The following GLUD1 variants were observed in gnomAD, a reference collection of about 807,000 sequenced individuals.
GLUD1 encodes glutamate dehydrogenase 1, also known as glutamate dehydrogenase 1, mitochondrial.
Under a neutral mutation model 56.0 loss-of-function variants are expected in GLUD1, and 22 were observed. The ratio of observed to expected loss-of-function variants is 0.39; its 90% confidence interval spans 0.28 to 0.56. The LOEUF (loss-of-function observed/expected upper bound fraction) is 0.56. Ranked by LOEUF, GLUD1 falls within the 20% of genes least tolerant of loss-of-function variation. The pLI is 0.58. For missense variants in GLUD1, 451 were observed against 732.0 expected (o/e 0.62, Z 4.43); for synonymous variants, 223 against 269.9 (o/e 0.83, Z 1.70).
chr10:87,087,249 G>T (rs1841405236), intron 1 of GLUD1, among the ~76,000 whole-genome samples: 1 of 152,180 alleles, frequency 6.6e-6, no homozygotes, highest in African/African-American at 2.4e-5. Context: ...CACTGCAGGA[G>T]CTTCTGTTCC....
intron 6 of GLUD1, 140 bp downstream of exon 6, chr10:87,062,516 T>C (rs1440789412): frequency 2.8e-6 from 2 of 724,632 alleles, no homozygotes; most frequent in African/African-American, 1.8e-5. Flanking sequence ...AAACAAAATA[T>C]CTATTACTCT....
At chr10:87,060,272 C>G in intron 8 of GLUD1, 31 bp from the exon 9 acceptor site, 2 of 1,395,164 alleles carry the variant, frequency 1.4e-6, no homozygotes, top group Non-Finnish European at 1.0e-6. Context: ...TAGAGAAATG[C>G]GAACACCACC....
At chr10:87,082,410 T>G in intron 1 of GLUD1, among the ~76,000 whole-genome samples, 1 of 152,196 alleles carries the variant, frequency 6.6e-6, no homozygotes, top group African/African-American at 2.4e-5. Flanking sequence ...CTACACCCAT[T>G]TAGAGAGCTC....
chr10:87,065,533 T>C (rs12257719), intron 5 of GLUD1, among the ~76,000 whole-genome samples: 1,667 of 152,260 alleles, frequency 0.011, 31 homozygotes, highest in African/African-American at 0.038. Flanking sequence ...CCCCTTGAAC[T>C]ATACTGGTGA....
intron 12 of GLUD1, among the ~76,000 whole-genome samples, chr10:87,052,223 A>T (rs1188949702): frequency 4.6e-5 from 7 of 152,178 alleles, no homozygotes; most frequent in Non-Finnish European, 8.8e-5. Flanking sequence ...GCGGTTGCTC[A>T]CACCTGTAAT....
In GLUD1 at chr10:87,070,990, G is replaced by A. The variant is rs1179433528; in HGVS notation, c.647-2833C>T. ...TAAAAATACAAAAAATTAGCCGGGC[G>A]TGGTGGCGGGCGCCTGTAGTCCCAG... On this transcript the variant is annotated intron_variant, in intron 4 of 12. Transcript: ENST00000277865. Among the ~76,000 whole-genome samples, 57 of 151,480 alleles carry A rather than the reference G, an allele frequency of 3.8e-4. 1 individual carries two copies. The highest frequency in any genetic ancestry group is 1.1e-3 in the African/African-American group (46 of 41,282).
intron 10 of GLUD1, 110 bp from the exon 11 acceptor site, chr10:87,057,892 A>G: frequency 1.5e-6 from 1 of 686,474 alleles, no homozygotes; most frequent in Non-Finnish European, 2.6e-6. Flanking sequence ...TTATACAGAC[A>G]GAGTCGTGGT....
intron 4 of GLUD1, among the ~76,000 whole-genome samples, chr10:87,072,608 A>G (rs1163971555): frequency 1.3e-5 from 2 of 152,246 alleles, no homozygotes; most frequent in Non-Finnish European, 2.9e-5. Context: ...TTGCACATTA[A>G]GCAAATAAAT....
At position 87,051,440 on chromosome 10, in the gene GLUD1, C is replaced by T; in HGVS notation, c.*311G>A. 2.3e-6 allele frequency: 1 copy of T among 428,408 alleles called. No individual in the cohort carries two copies. The highest frequency in any genetic ancestry group is 4.5e-6 in the Non-Finnish European group (1 of 220,278). 26.5% of individuals were successfully genotyped at this position (428,408 alleles called of 1,614,324 possible). On this transcript the variant is annotated 3_prime_UTR_variant, in exon 13 of 13. Transcript: ENST00000277865. ...CTTGACTGTTCCTCCCCAGCACTAG[C>T]ACTGATTGTGTTGGGAAAAGCCACA...
chr10:87,068,763 C>G (rs1327265709), intron 4 of GLUD1, among the ~76,000 whole-genome samples: 1 of 151,992 alleles, frequency 6.6e-6, no homozygotes. Flanking sequence ...TTCAGTTCCT[C>G]AGATCATAGG....
In GLUD1 at chr10:87,051,496, CT is replaced by C; in HGVS notation, c.*254del. 1 of 533,456 alleles carries C rather than the reference CT, an allele frequency of 1.9e-6. No individual in the cohort carries two copies. The highest frequency in any genetic ancestry group is 3.5e-6 in the Non-Finnish European group (1 of 286,242). 33.0% of individuals were successfully genotyped at this position (533,456 alleles called of 1,614,324 possible). A position where few individuals can be genotyped will look rare whatever the true frequency, so the allele number is the denominator to read the frequency against. On this transcript the variant is annotated 3_prime_UTR_variant, in exon 13 of 13. Transcript: ENST00000277865. ...AGGCTGCACAGCCAGATAAAGGAGG[CT>C]TTTTATTTAAAGGCAAAATACCAAA...
In GLUD1 at chr10:87,062,683, C is replaced by T. The variant is rs1163646770; in HGVS notation, c.894G>A (p.Gly298=). The T allele has an allele frequency of 6.2e-7, 1 of 1,614,088 alleles. No homozygotes were observed. The highest frequency in any genetic ancestry group is 1.7e-5 in the Admixed American group (1 of 60,024). ...GAACAACAAATGTTTTATCTCCAAA[C>T]CCTGGTGTCATTCCTAAAATGCTCA... ...SYMSILGMTP[G]FGDKTFVVQG... Residue 298 remains glycine (G), a synonymous_variant, in exon 6 of 13, where the codon GGG becomes GGA. Transcript: ENST00000277865.
At chr10:87,057,927 G>T in intron 10 of GLUD1, 145 bp from the exon 11 acceptor site, 1 of 634,090 alleles carries the variant, frequency 1.6e-6, no homozygotes, top group South Asian at 1.7e-5. Flanking sequence ...GGAGTGTAGA[G>T]GCGTGATCTC....
intron 1 of GLUD1, among the ~76,000 whole-genome samples, chr10:87,092,813 A>G (rs1276468781): frequency 1.3e-5 from 2 of 152,258 alleles, no homozygotes; most frequent in East Asian, 1.9e-4. Flanking sequence ...ATGCAACTCA[A>G]TATTTGCTAA....
intron 1 of GLUD1, chr10:87,092,670 A>G: frequency 2.1e-6 from 2 of 939,252 alleles, no homozygotes; most frequent in Non-Finnish European, 2.5e-6. Flanking sequence ...GAATCGAAGA[A>G]AAAGGATTTC....
chr10:87,080,399 A>G (rs954736173), intron 1 of GLUD1, among the ~76,000 whole-genome samples: 1 of 147,672 alleles, frequency 6.8e-6, no homozygotes, highest in African/African-American at 2.5e-5. Flanking sequence ...CTGGCCGCCC[A>G]TCGTCTGAGA....
intron 1 of GLUD1, among the ~76,000 whole-genome samples, chr10:87,083,862 T>A (rs1841322402): frequency 6.6e-6 from 1 of 152,106 alleles, no homozygotes; most frequent in East Asian, 1.9e-4. Flanking sequence ...CTTAAAACTC[T>A]GTTAGACTCC....
rs1214510226 is a variant in GLUD1, at chr10:87,091,179, T to C, written c.445+3146A>G. On this transcript the variant is annotated intron_variant, in intron 1 of 12. Coordinates refer to ENST00000277865, the MANE Select transcript of GLUD1 (RefSeq NM_005271.5). The stretch of plus-strand genomic sequence containing the variant: ...AACTATATGTAAATTATGATAATTT[T>C]AGAAAATTTTATGATAGTAGCATCA... Among the ~76,000 whole-genome samples, 4 of 152,260 alleles carry C rather than the reference T, an allele frequency of 2.6e-5. No individual in the cohort carries two copies. The East Asian group carries it at 7.7e-4, about 29-fold the overall frequency.
chr10:87,069,492 G>A (rs1288412717), intron 4 of GLUD1, among the ~76,000 whole-genome samples: 2 of 148,882 alleles, frequency 1.3e-5, no homozygotes, highest in African/African-American at 5.0e-5. Context: ...TCTAGCCTGG[G>A]CGACAGAGTA....
Sources: allele counts gnomAD v4.1 joint callset (sites outside exome capture counted in the v4.1 genomes callset), GRCh38; gene constraint gnomAD v4.1.1; transcripts MANE v1.5; gene names NCBI Gene and HGNC (gene_info 2026-07-23, HGNC 2026-07-21).